ZDHHC17: variants seen among roughly 807,000 people sequenced by gnomAD.
The protein encoded by ZDHHC17 is palmitoyltransferase ZDHHC17.
Under a neutral mutation model 90.3 loss-of-function variants are expected in ZDHHC17, and 40 were observed. The observed-to-expected ratio is 0.44, with a 90% CI of 0.34 to 0.58. The LOEUF (loss-of-function observed/expected upper bound fraction) is 0.58. ZDHHC17 is among the 20% of genes least tolerant of loss of function. The pLI, the probability that ZDHHC17 is intolerant of heterozygous loss-of-function variation, is 0.01. For missense variants in ZDHHC17, 614 were observed against 780.8 expected, an observed-to-expected ratio of 0.79 and a Z score of 2.55; for synonymous variants, 235 against 252.4, an observed-to-expected ratio of 0.93 and a Z score of 0.65.
chr12:76,841,761 CTTT>C (rs927987113), intron 10 of ZDHHC17, among the ~76,000 whole-genome samples: 5 of 151,926 alleles, frequency 3.3e-5, no homozygotes, highest in Non-Finnish European at 5.9e-5. Flanking sequence ...TTTTCATTGA[CTTT>C]TTAATATATT....
At chr12:76,773,004 G>A (rs1952514375) in intron 1 of ZDHHC17, among the ~76,000 whole-genome samples, 1 of 151,974 alleles carries the variant, frequency 6.6e-6, no homozygotes, top group South Asian at 2.1e-4. Flanking sequence ...CTACAAGCAC[G>A]TGCCACCACG....
chr12:76,820,277 A>C (rs1953148470), intron 7 of ZDHHC17, among the ~76,000 whole-genome samples: 1 of 152,190 alleles, frequency 6.6e-6, no homozygotes, highest in Admixed American at 6.5e-5. Context: ...AGCTACATGA[A>C]ATAGCTTTAA....
intron 2 of ZDHHC17, among the ~76,000 whole-genome samples, chr12:76,800,045 A>G (rs113555338): frequency 3.9e-5 from 6 of 152,160 alleles, no homozygotes; most frequent in Non-Finnish European, 7.4e-5. Context: ...GTGTGGTATC[A>G]TGTGCTCAAA....
At chr12:76,816,147 C>T (rs1181244924) in intron 7 of ZDHHC17, 128 bp downstream of exon 7, 9 of 609,642 alleles carry the variant, frequency 1.5e-5, no homozygotes, top group African/African-American at 1.9e-5. Context: ...ACAGTTAAAC[C>T]ACATTATGCA....
At chr12:76,774,903 A>G (rs1316278701) in intron 1 of ZDHHC17, among the ~76,000 whole-genome samples, 1 of 152,210 alleles carries the variant, frequency 6.6e-6, no homozygotes, top group Non-Finnish European at 1.5e-5. Context: ...TGCATGTGGC[A>G]TCTTTGTGAT....
chr12:76,788,325 G>A (rs2137733291), intron 1 of ZDHHC17, among the ~76,000 whole-genome samples: 1 of 152,202 alleles, frequency 6.6e-6, no homozygotes, highest in South Asian at 2.1e-4. Context: ...TCTTTCAAAG[G>A]GCCAAGGGTG....
Position 76,788,688 on chromosome 12 carries a change from A to ATTTTTTTTTTTTTTTTT in ZDHHC17, c.94-8736_94-8720dup, listed in dbSNP as rs763269507. ...AAAATATATTTAAGTTGGAATCGCAATTTTTTTTTTTTTTTTTTTTTTTTT... is the reference window on the plus strand; with the variant it reads ...AAAATATATTTAAGTTGGAATCGCAATTTTTTTTTTTTTTTTTTTTTTTTTTTTTTTTTTTTTTTTTT... On this transcript the variant is annotated intron_variant, in intron 1 of 16. Coordinates refer to ENST00000426126, the MANE Select transcript of ZDHHC17 (RefSeq NM_015336.4). Among the ~76,000 whole-genome samples, 95 of 98,666 alleles carry ATTTTTTTTTTTTTTTTT rather than the reference A, an allele frequency of 9.6e-4. 2 individuals are homozygous for ATTTTTTTTTTTTTTTTT. The highest frequency in any genetic ancestry group is 2.8e-3 in the South Asian group (8 of 2,906). The allele number at this position is 98,666 out of a possible 152,430, so 64.7% of individuals were successfully genotyped here.
Position 76,851,332 on chromosome 12 carries a change from TCA to T in ZDHHC17, c.*348_*349del, listed in dbSNP as rs1403276619. On this transcript the variant is annotated 3_prime_UTR_variant, in exon 17 of 17. Transcript: ENST00000426126. ...GACATGGTGTACTGATCAGAAATGTTCAGTTTTAACTAAAACTAAATTTATGT... is the reference window on the plus strand; with the variant it reads ...GACATGGTGTACTGATCAGAAATGTTGTTTTAACTAAAACTAAATTTATGT... 8.5e-6 allele frequency: 2 copies of T among 236,070 alleles called. No individual in the cohort carries two copies. Among genetic ancestry groups the T allele is most frequent in the African/African-American group, 2.4e-5 (1 of 42,464 alleles). 14.6% of individuals were successfully genotyped at this position (236,070 alleles called of 1,614,324 possible). A position where few individuals can be genotyped will look rare whatever the true frequency, so the allele number is the denominator to read the frequency against.
intron 3 of ZDHHC17, among the ~76,000 whole-genome samples, chr12:76,806,576 T>C (rs1952955846): frequency 6.6e-6 from 1 of 152,230 alleles, no homozygotes; most frequent in Non-Finnish European, 1.5e-5. Flanking sequence ...GGTTTCTCCA[T>C]GTTCATCAGG....
intron 8 of ZDHHC17, among the ~76,000 whole-genome samples, chr12:76,823,974 G>A (rs1953197329): frequency 6.6e-6 from 1 of 152,048 alleles, no homozygotes; most frequent in Admixed American, 6.6e-5. Context: ...AAAAATGGCT[G>A]TCTTATGATA....
intron 5 of ZDHHC17, among the ~76,000 whole-genome samples, chr12:76,811,540 TCTAC>T (rs1953021268): frequency 6.6e-6 from 1 of 152,152 alleles, no homozygotes; most frequent in African/African-American, 2.4e-5. Flanking sequence ...GGGCAGGATT[TCTAC>T]CTGTCAGTGC....
At chr12:76,795,551 G>A (rs1952809853) in intron 1 of ZDHHC17, among the ~76,000 whole-genome samples, 2 of 152,128 alleles carry the variant, frequency 1.3e-5, no homozygotes, top group African/African-American at 4.8e-5. Context: ...TGTGGTTGGA[G>A]AGAATAGAAT....
At chr12:76,822,642 C>A in intron 8 of ZDHHC17, 111 bp downstream of exon 8, 1 of 813,292 alleles carries the variant, frequency 1.2e-6, no homozygotes. Context: ...GCAATCCCTG[C>A]CTCTCGGTTT....
At chr12:76,836,824 T>C (rs944810790) in intron 10 of ZDHHC17, among the ~76,000 whole-genome samples, 5 of 152,296 alleles carry the variant, frequency 3.3e-5, no homozygotes, top group Non-Finnish European at 7.4e-5. Context: ...GTGGTCCATA[T>C]TTTGGAGTTT....
At chr12:76,773,664 G>A (rs903258963) in intron 1 of ZDHHC17, among the ~76,000 whole-genome samples, 14 of 152,288 alleles carry the variant, frequency 9.2e-5, no homozygotes, top group African/African-American at 2.9e-4. Flanking sequence ...TGACTCCCAA[G>A]CCCATAATCC....
chr12:76,839,780 C>A (rs917594659), intron 10 of ZDHHC17, among the ~76,000 whole-genome samples: 1 of 152,116 alleles, frequency 6.6e-6, no homozygotes, highest in African/African-American at 2.4e-5. Context: ...ACTGCTAATG[C>A]AAATGTACTG....
Position 76,828,417 on chromosome 12 carries a change from T to C in ZDHHC17, c.1068T>C (p.Ser356=), listed in dbSNP as rs986229527. The change falls in exon 10 of 17, where the codon AGT becomes AGC. Residue 356 remains serine, a synonymous_variant. Transcript: ENST00000426126. ...CCTTTTTCGATCATTCAATGCATAG[T>C]GCATTGCCCCTTGGGATATATTTGG... is the stretch of plus-strand genomic sequence containing the variant. The part of the protein sequence containing the change: ...SKSFFDHSMH[S]ALPLGIYLAT... 1 of 1,611,996 alleles carries C rather than the reference T, an allele frequency of 6.2e-7. No individual in the cohort carries two copies. Among genetic ancestry groups the C allele is most frequent in the Non-Finnish European group, 8.5e-7 (1 of 1,179,050 alleles).
At chr12:76,839,649 T>C (rs996887458) in intron 10 of ZDHHC17, among the ~76,000 whole-genome samples, 4 of 152,034 alleles carry the variant, frequency 2.6e-5, no homozygotes, top group Non-Finnish European at 5.9e-5. Context: ...AGTGAAAACA[T>C]TGATGGTAAA....
chr12:76,838,847 A>T (rs1953399708), intron 10 of ZDHHC17, among the ~76,000 whole-genome samples: 1 of 152,168 alleles, frequency 6.6e-6, no homozygotes, highest in Non-Finnish European at 1.5e-5. Context: ...AGTGGGACTG[A>T]GGAGTGGAGT....
Sources: gnomAD v4.1 joint callset for allele counts (sites outside exome capture counted in the v4.1 genomes callset) on GRCh38, gnomAD v4.1.1 for gene constraint, MANE v1.5 for transcripts, NCBI Gene and HGNC (gene_info 2026-07-23, HGNC 2026-07-21) for gene names.